The following SMG6 variants were observed in gnomAD, a reference collection of about 807,000 sequenced individuals.
The protein encoded by SMG6 is telomerase-binding protein EST1A.
In SMG6, 66 loss-of-function variants were observed where a neutral mutation model predicts 142.2. The observed-to-expected ratio is 0.46, with a 90% CI of 0.38 to 0.57. The LOEUF (loss-of-function observed/expected upper bound fraction) is 0.57. SMG6 is among the 20% of genes least tolerant of loss of function. The probability of loss-of-function intolerance (pLI) is 0.00; values close to 1 mark genes in which losing one functional copy is unlikely to be tolerated. For missense variants in SMG6, 1,793 were observed against 1,832.0 expected (o/e 0.98, Z 0.39); for synonymous variants, 779 against 702.4 (o/e 1.11, Z -1.72).
At chr17:2,259,896 C>T (rs777743701) in intron 8 of SMG6, among the ~76,000 whole-genome samples, 3 of 152,152 alleles carry the variant, frequency 2.0e-5, no homozygotes, top group Non-Finnish European at 1.5e-5. Flanking sequence ...GTCACAAAGA[C>T]GGTTTCACAA....
rs2075054300 is a variant in SMG6, at chr17:2,292,261, C to G, written c.2337+291G>C. On this transcript the variant is annotated intron_variant, in intron 6 of 18. Transcript: ENST00000263073. ...AAGGGAAGAGAATCAAGACAAAATT[C>G]AGAGTGGCAGCTCTGGTCAGAAACA... is the stretch of plus-strand genomic sequence containing the variant. Among the ~76,000 whole-genome samples, 4 of 152,176 alleles carry G rather than the reference C, an allele frequency of 2.6e-5. 1 individual carries two copies. The South Asian group carries it at 8.3e-4, about 32-fold the overall frequency.
chr17:2,097,134 G>A (rs2068876979), intron 13 of SMG6, among the ~76,000 whole-genome samples: 1 of 151,626 alleles, frequency 6.6e-6, no homozygotes, highest in African/African-American at 2.4e-5. Flanking sequence ...TAACATTGAA[G>A]AAATATATAA....
At chr17:2,260,428 G>GT (rs1361801398) in intron 8 of SMG6, among the ~76,000 whole-genome samples, 3 of 152,206 alleles carry the variant, frequency 2.0e-5, no homozygotes, top group Non-Finnish European at 2.9e-5. Flanking sequence ...CTTCCAGCTA[G>GT]TTTTTTTGGT....
At chr17:2,127,241 G>C (rs548286613) in intron 13 of SMG6, among the ~76,000 whole-genome samples, 1 of 152,188 alleles carries the variant, frequency 6.6e-6, no homozygotes, top group Admixed American at 6.5e-5. Flanking sequence ...AAGTTGCCAG[G>C]GGAAGGGGGA....
intron 1 of SMG6, among the ~76,000 whole-genome samples, chr17:2,302,306 G>A (rs1338950989): frequency 6.6e-6 from 1 of 152,028 alleles, no homozygotes; most frequent in East Asian, 1.9e-4. Flanking sequence ...CACTTTGGGA[G>A]GCCAAGGCGG....
chr17:2,165,594 G>A lies in SMG6; in HGVS notation c.3357+7064C>T, dbSNP rs1403545147. On this transcript the variant is annotated intron_variant, in intron 13 of 18. Coordinates refer to ENST00000263073, the MANE Select transcript of SMG6 (RefSeq NM_017575.5). ...TTGTATTTCAGATTTTTGGACTAGG[G>A]ATATTCAATGTGTACAAACTCTATA... 3.9e-5 allele frequency among the ~76,000 whole-genome samples: 6 copies of A among 152,286 alleles called. No homozygotes were observed. In the East Asian group the frequency reaches 1.2e-3, roughly 29 times the overall value.
intron 10 of SMG6, among the ~76,000 whole-genome samples, chr17:2,196,326 G>C (rs974894257): frequency 6.6e-6 from 1 of 152,324 alleles, no homozygotes; most frequent in Non-Finnish European, 1.5e-5. Flanking sequence ...GGAGGCTGAG[G>C]CAGGAGCAGG....
chr17:2,276,393 GT>G (rs149352512), intron 8 of SMG6, among the ~76,000 whole-genome samples: 2 of 148,388 alleles, frequency 1.3e-5, no homozygotes, highest in Middle Eastern at 3.5e-3. Flanking sequence ...TCCAGCAAAC[GT>G]TTTTTTTTTG....
chr17:2,277,150 TTTATTTATTTA>T (rs1343935827), intron 8 of SMG6, among the ~76,000 whole-genome samples: 2 of 75,420 alleles, frequency 2.7e-5, no homozygotes, highest in African/African-American at 1.3e-4. Context: ...TATTTATTTA[TTTATTTATTTA>T]TTTATTTTTT....
chr17:2,220,396 C>T (rs866856887), intron 10 of SMG6, among the ~76,000 whole-genome samples: 13 of 152,162 alleles, frequency 8.5e-5, no homozygotes, highest in Middle Eastern at 3.4e-3. Context: ...TTTGGGAGGC[C>T]GAGGAAGGAG....
chr17:2,147,462 C>A (rs919308529), intron 13 of SMG6, among the ~76,000 whole-genome samples: 1 of 151,972 alleles, frequency 6.6e-6, no homozygotes, highest in East Asian at 1.9e-4. Flanking sequence ...CCTAGGTGGG[C>A]GTAGTGGTGC....
At chr17:2,145,379 A>G (rs1269487775) in intron 13 of SMG6, among the ~76,000 whole-genome samples, 1 of 151,688 alleles carries the variant, frequency 6.6e-6, no homozygotes, top group African/African-American at 2.4e-5. Context: ...AGCCTCCCAA[A>G]GTGCTGGGAT....
intron 5 of SMG6, 92 bp from the exon 6 acceptor site, chr17:2,292,722 G>A: frequency 2.0e-6 from 3 of 1,515,372 alleles, no homozygotes; most frequent in Non-Finnish European, 1.8e-6. Context: ...ACATAAGGTA[G>A]AGTGTTAGAT....
chr17:2,211,101 TAA>T (rs56893397), intron 10 of SMG6, among the ~76,000 whole-genome samples: 1 of 141,158 alleles, frequency 7.1e-6, no homozygotes. Flanking sequence ...TGGATTTTAT[TAA>T]AAAAAAAAAA....
chr17:2,178,863 C>A (rs2071724557), intron 12 of SMG6, among the ~76,000 whole-genome samples: 1 of 152,194 alleles, frequency 6.6e-6, no homozygotes, highest in African/African-American at 2.4e-5. Flanking sequence ...ACGGTTCCTG[C>A]CTCTCCAAAC....
intron 10 of SMG6, among the ~76,000 whole-genome samples, chr17:2,224,655 A>G (rs1255798776): frequency 7.1e-6 from 1 of 141,248 alleles, no homozygotes; most frequent in Non-Finnish European, 1.5e-5. Context: ...AGGAGAAGAG[A>G]AAGCATGGGG....
At chr17:2,183,540 A>G (rs1460418257) in intron 12 of SMG6, among the ~76,000 whole-genome samples, 2 of 152,206 alleles carry the variant, frequency 1.3e-5, no homozygotes, top group East Asian at 3.8e-4. Context: ...TCTGCTCTGT[A>G]ATGTGAAATC....
At chr17:2,249,825 A>T (rs1187627962) in intron 8 of SMG6, among the ~76,000 whole-genome samples, 1 of 152,194 alleles carries the variant, frequency 6.6e-6, no homozygotes, top group African/African-American at 2.4e-5. Flanking sequence ...CCTTAGCTCA[A>T]GTCCAAAACA....
intron 8 of SMG6, among the ~76,000 whole-genome samples, chr17:2,254,401 C>A (rs1478298980): frequency 6.6e-6 from 1 of 152,214 alleles, no homozygotes; most frequent in Non-Finnish European, 1.5e-5. Context: ...CTGGTGCAAT[C>A]CCAGCTCACT....
Sources: allele counts gnomAD v4.1 joint callset (sites outside exome capture counted in the v4.1 genomes callset), GRCh38; gene constraint gnomAD v4.1.1; transcripts MANE v1.5; gene names NCBI Gene and HGNC (gene_info 2026-07-23, HGNC 2026-07-21).